The following CLSTN2 variants were observed in gnomAD, a reference collection of about 807,000 sequenced individuals.
The protein encoded by CLSTN2 is calsyntenin 2, also known as calsyntenin-2.
In CLSTN2, 48 loss-of-function variants were observed where a neutral mutation model predicts 101.2. The ratio of observed to expected loss-of-function variants is 0.47; its 90% confidence interval spans 0.38 to 0.60. CLSTN2 has a LOEUF of 0.60. Ranked by LOEUF, CLSTN2 falls within the 20% of genes least tolerant of loss-of-function variation. The pLI is 0.00. For missense variants in CLSTN2, 1,160 were observed against 1,238.2 expected, an observed-to-expected ratio of 0.94 and a Z score of 0.95; for synonymous variants, 481 against 463.6, an observed-to-expected ratio of 1.04 and a Z score of -0.48.
intron 2 of CLSTN2, among the ~76,000 whole-genome samples, chr3:140,321,864 G>A (rs2087286300): frequency 6.6e-6 from 1 of 152,216 alleles, no homozygotes; most frequent in Non-Finnish European, 1.5e-5. Flanking sequence ...CTCTGTTCCA[G>A]CTTCCTTGAG....
At chr3:140,363,574 A>T (rs1312274028) in intron 2 of CLSTN2, among the ~76,000 whole-genome samples, 2 of 152,224 alleles carry the variant, frequency 1.3e-5, no homozygotes, top group Non-Finnish European at 2.9e-5. Context: ...ATGGCAGCTG[A>T]CAGTGGAAAT....
intron 2 of CLSTN2, among the ~76,000 whole-genome samples, chr3:140,321,019 G>C (rs1361717995): frequency 6.6e-5 from 10 of 152,178 alleles, no homozygotes; most frequent in Admixed American, 6.5e-4. Flanking sequence ...GATGTGCTGG[G>C]AGTATCAAGG....
intron 8 of CLSTN2, among the ~76,000 whole-genome samples, chr3:140,478,017 C>T (rs1934024001): frequency 1.3e-5 from 2 of 152,156 alleles, no homozygotes; most frequent in South Asian, 4.1e-4. Context: ...ACTTCCTCCC[C>T]AATAGAGAGT....
intron 1 of CLSTN2, among the ~76,000 whole-genome samples, chr3:140,023,861 C>T (rs559641807): frequency 6.6e-6 from 1 of 152,328 alleles, no homozygotes; most frequent in Non-Finnish European, 1.5e-5. Flanking sequence ...GCTGGAAGCA[C>T]TGAGCCTGGG....
chr3:139,937,948 A>G (rs934904617), intron 1 of CLSTN2, among the ~76,000 whole-genome samples: 3 of 152,018 alleles, frequency 2.0e-5, no homozygotes, highest in African/African-American at 7.3e-5. Flanking sequence ...TACAACAGAG[A>G]CATTTATTAT....
intron 1 of CLSTN2, among the ~76,000 whole-genome samples, chr3:140,136,969 T>A (rs2009624868): frequency 1.3e-5 from 2 of 152,202 alleles, no homozygotes; most frequent in Non-Finnish European, 2.9e-5. Context: ...TGGGACTATT[T>A]GATACTGTAT....
At chr3:140,301,692 G>T (rs1229363095) in intron 2 of CLSTN2, among the ~76,000 whole-genome samples, 1 of 152,222 alleles carries the variant, frequency 6.6e-6, no homozygotes, top group African/African-American at 2.4e-5. Context: ...TTAGAGAAAA[G>T]AATCTCAAGG....
intron 1 of CLSTN2, among the ~76,000 whole-genome samples, chr3:140,148,088 A>T (rs1458298727): frequency 6.6e-6 from 1 of 152,234 alleles, no homozygotes. Context: ...TAAAGTAGGG[A>T]TGGAGGGCTT....
intron 1 of CLSTN2, among the ~76,000 whole-genome samples, chr3:139,991,503 A>G (rs904925080): frequency 6.6e-6 from 1 of 152,220 alleles, no homozygotes; most frequent in Non-Finnish European, 1.5e-5. Context: ...TCAGCAGTCA[A>G]AATAGAACAG....
intron 5 of CLSTN2, among the ~76,000 whole-genome samples, chr3:140,441,913 T>G (rs777270792): frequency 1.3e-5 from 2 of 152,160 alleles, no homozygotes; most frequent in Non-Finnish European, 2.9e-5. Flanking sequence ...TTCTGAGACA[T>G]GGCAGCTGCT....
At position 140,281,763 on chromosome 3, in the gene CLSTN2, CGA is replaced by C. The variant is rs10548653; in HGVS notation, c.232+105706_232+105707del. Among the ~76,000 whole-genome samples, 558 of 150,974 alleles carry C rather than the reference CGA, an allele frequency of 3.7e-3. 2 individuals carry two copies. The highest frequency in any genetic ancestry group is 5.4e-3 in the Admixed American group (82 of 15,164). ...AATAATAAAACTGTCAGAGAGAGAG[CGA>C]GAGAGAGAGAGAGAGGAGCCTGAAA... On this transcript the variant is annotated intron_variant, in intron 2 of 16. Transcript: ENST00000458420.
chr3:140,516,551 T>TG (rs1934920752), intron 8 of CLSTN2, among the ~76,000 whole-genome samples: 1 of 82,968 alleles, frequency 1.2e-5, no homozygotes. Flanking sequence ...TCTTTTGGCA[T>TG]TTTTTTTTTT....
intron 1 of CLSTN2, among the ~76,000 whole-genome samples, chr3:140,072,358 G>A (rs2008412037): frequency 6.6e-6 from 1 of 152,072 alleles, no homozygotes; most frequent in South Asian, 2.1e-4. Context: ...TCTCTAATAT[G>A]TGCAACTATT....
At chr3:140,266,202 T>G (rs977053249) in intron 2 of CLSTN2, among the ~76,000 whole-genome samples, 1 of 152,138 alleles carries the variant, frequency 6.6e-6, no homozygotes, top group Non-Finnish European at 1.5e-5. Flanking sequence ...CTGGAGGGAA[T>G]GGAGAGAAGA....
chr3:140,502,818 T>G (rs947764181), intron 8 of CLSTN2, among the ~76,000 whole-genome samples: 1 of 152,178 alleles, frequency 6.6e-6, no homozygotes, highest in Non-Finnish European at 1.5e-5. Context: ...GATTGTGTGT[T>G]GAGCAAGATG....
At chr3:139,972,543 A>G (rs547394498) in intron 1 of CLSTN2, among the ~76,000 whole-genome samples, 1 of 152,218 alleles carries the variant, frequency 6.6e-6, no homozygotes, top group Non-Finnish European at 1.5e-5. Flanking sequence ...CTATTCTCAG[A>G]GTTTTGCTCT....
intron 8 of CLSTN2, among the ~76,000 whole-genome samples, chr3:140,489,976 A>C (rs1432760966): frequency 4.3e-5 from 6 of 139,746 alleles, no homozygotes; most frequent in Non-Finnish European, 7.7e-5. Flanking sequence ...TCATGAGATG[A>C]GGAGGATGGC....
chr3:140,199,738 C>T (rs1162040417), intron 2 of CLSTN2, among the ~76,000 whole-genome samples: 1 of 152,202 alleles, frequency 6.6e-6, no homozygotes, highest in African/African-American at 2.4e-5. Context: ...GGTAGCTATA[C>T]AGCTAATAAG....
intron 2 of CLSTN2, among the ~76,000 whole-genome samples, chr3:140,276,170 G>C (rs976265586): frequency 6.6e-6 from 1 of 152,158 alleles, no homozygotes; most frequent in African/African-American, 2.4e-5. Context: ...CCATGGGCAT[G>C]GGAACAGTGG....
Sources: gnomAD v4.1 joint callset for allele counts (sites outside exome capture counted in the v4.1 genomes callset) on GRCh38, gnomAD v4.1.1 for gene constraint, MANE v1.5 for transcripts, NCBI Gene and HGNC (gene_info 2026-07-23, HGNC 2026-07-21) for gene names.